The following PLCB4 variants were observed in gnomAD, a reference collection of about 807,000 sequenced individuals.
The protein encoded by PLCB4 is phospholipase C beta 4, also known as 1-phosphatidylinositol 4,5-bisphosphate phosphodiesterase beta-4.
Under a neutral mutation model 178.8 loss-of-function variants are expected in PLCB4, and 77 were observed. The observed-to-expected ratio is 0.43, with a 90% CI of 0.36 to 0.52. The LOEUF is 0.52. PLCB4 is among the 20% of genes least tolerant of loss of function. The pLI, the probability that PLCB4 is intolerant of heterozygous loss-of-function variation, is 0.00. For synonymous variants in PLCB4, 496 were observed against 490.8 expected, an observed-to-expected ratio of 1.01 and a Z score of -0.14; for missense variants, 1,024 against 1,453.4, an observed-to-expected ratio of 0.70 and a Z score of 4.80.
At chr20:9,430,415 CATT>C (rs1455427782) in intron 28 of PLCB4, among the ~76,000 whole-genome samples, 4 of 152,124 alleles carry the variant, frequency 2.6e-5, no homozygotes, top group African/African-American at 9.7e-5. Flanking sequence ...CATTATATTG[CATT>C]ATTATTGTAT....
chr20:9,210,525 G>A (rs1026775426), intron 2 of PLCB4, among the ~76,000 whole-genome samples: 3 of 152,176 alleles, frequency 2.0e-5, no homozygotes, highest in Non-Finnish European at 2.9e-5. Flanking sequence ...GGCGGGGGCT[G>A]TGGGGATCTG....
At chr20:9,170,297 A>C (rs2147033601) in intron 2 of PLCB4, among the ~76,000 whole-genome samples, 1 of 152,344 alleles carries the variant, frequency 6.6e-6, no homozygotes, top group South Asian at 2.1e-4. Context: ...CTTACAAATT[A>C]ATATTTAGTT....
chr20:9,162,730 A>G (rs1705633047), intron 2 of PLCB4, among the ~76,000 whole-genome samples: 2 of 152,094 alleles, frequency 1.3e-5, no homozygotes, highest in Admixed American at 6.6e-5. Flanking sequence ...GTAATAAACT[A>G]TTGTAAATGT....
intron 3 of PLCB4, among the ~76,000 whole-genome samples, chr20:9,251,456 T>C (rs978113682): frequency 6.6e-6 from 1 of 152,186 alleles, no homozygotes; most frequent in Non-Finnish European, 1.5e-5. Context: ...TAACAAGAAA[T>C]ACTGAGGTGA....
intron 3 of PLCB4, chr20:9,280,429 G>A (rs773176350): frequency 2.6e-5 from 26 of 983,052 alleles, no homozygotes; most frequent in Non-Finnish European, 3.0e-5. Context: ...TCTCCACTTC[G>A]ATCTGAAAGA....
At chr20:9,232,327 C>T (rs2093942095) in intron 3 of PLCB4, among the ~76,000 whole-genome samples, 1 of 152,010 alleles carries the variant, frequency 6.6e-6, no homozygotes, top group Non-Finnish European at 1.5e-5. Context: ...TCTTGTAATG[C>T]AAGGCATCAT....
chr20:9,379,407 C>T (rs1393129946), intron 12 of PLCB4, among the ~76,000 whole-genome samples: 2 of 151,942 alleles, frequency 1.3e-5, no homozygotes, highest in East Asian at 3.9e-4. Flanking sequence ...GACTCTCTGC[C>T]CAGAGAATTC....
intron 14 of PLCB4, among the ~76,000 whole-genome samples, chr20:9,386,011 G>T (rs558853655): frequency 6.6e-6 from 1 of 152,226 alleles, no homozygotes; most frequent in Non-Finnish European, 1.5e-5. Flanking sequence ...CCAGCACCCC[G>T]GGAGGCCGAG....
chr20:9,255,805 T>A (rs112389032), intron 3 of PLCB4, among the ~76,000 whole-genome samples: 4,927 of 152,170 alleles, frequency 0.032, 133 homozygotes, highest in African/African-American at 0.067. Flanking sequence ...AATGAAGTTG[T>A]GGCTGAGTGC....
rs1006089394 is a variant in PLCB4, at chr20:9,464,210, A to G, written c.3249-4361A>G. Among the ~76,000 whole-genome samples the G allele has an allele frequency of 5.9e-5, 9 of 152,354 alleles. No homozygotes were observed. The East Asian group carries it at 1.3e-3, about 23-fold the overall frequency. On this transcript the variant is annotated intron_variant, in intron 35 of 39. Coordinates refer to ENST00000378473, the MANE Select transcript of PLCB4 (RefSeq NM_001377142.1). Reference sequence around the variant, plus strand: ...TAAATAATGGAATGAAGGCAGAAATAAAGATGTTCTTTGAAACCAATGAGA... The same window carrying G: ...TAAATAATGGAATGAAGGCAGAAATGAAGATGTTCTTTGAAACCAATGAGA...
chr20:9,366,396 CAAAAAAAAAAAAA>C (rs1198133351), intron 9 of PLCB4, among the ~76,000 whole-genome samples: 1 of 34,002 alleles, frequency 2.9e-5, no homozygotes, highest in Non-Finnish European at 6.9e-5. Flanking sequence ...GACTCCATCT[CAAAAAAAAAAAAA>C]AAAAAAAAAG....
intron 18 of PLCB4, 103 bp from the exon 19 acceptor site, chr20:9,395,420 T>C: frequency 1.3e-6 from 1 of 763,912 alleles, no homozygotes; most frequent in South Asian, 1.5e-5. Flanking sequence ...GAACATTCTA[T>C]TTCTTCTCTC....
chr20:9,444,275 A>G, intron 32 of PLCB4, 32 bp downstream of exon 32: 1 of 1,297,118 alleles, frequency 7.7e-7, no homozygotes, highest in Non-Finnish European at 1.1e-6. Context: ...ATTTTGTGTT[A>G]TGTATGGATG....
At position 9,408,698 on chromosome 20, in the gene PLCB4, C is replaced by T. The variant is rs1348990684; in HGVS notation, c.1855C>T (p.His619Tyr). ...ESVGLGYLKTHAIEFVNYNKR... is the reference protein window; with the variant it reads ...ESVGLGYLKTYAIEFVNYNKR... The stretch of plus-strand genomic sequence containing the variant: ...AGTCGGTCTTGGCTACTTGAAGACA[C>T]ATGCAATTGAATTTGTCAAGTATCC... The change falls in exon 23 of 40, where the codon CAT (histidine) becomes TAT (tyrosine). Residue 619 changes from histidine (H) to tyrosine (Y), a missense_variant. His to Tyr is a moderately conservative substitution (Grantham distance 83). Transcript: ENST00000378473. 6.4e-7 allele frequency: 1 copy of T among 1,567,006 alleles called. No individual in the cohort carries two copies. Among genetic ancestry groups the T allele is most frequent in the Non-Finnish European group, 8.8e-7 (1 of 1,137,532 alleles).
chr20:9,223,771 G>A (rs1475735730), intron 3 of PLCB4, among the ~76,000 whole-genome samples: 1 of 152,234 alleles, frequency 6.6e-6, no homozygotes, highest in Non-Finnish European at 1.5e-5. Flanking sequence ...TCTCTTATCT[G>A]TAGGGGTTAC....
intron 35 of PLCB4, among the ~76,000 whole-genome samples, chr20:9,463,686 C>T (rs1218360892): frequency 6.6e-6 from 1 of 150,956 alleles, no homozygotes. Context: ...ACAAAGAAGG[C>T]CATTACATAA....
chr20:9,266,526 G>A (rs955192561), intron 3 of PLCB4, among the ~76,000 whole-genome samples: 3 of 152,046 alleles, frequency 2.0e-5, no homozygotes, highest in Non-Finnish European at 4.4e-5. Context: ...TTAATAGTTA[G>A]TATCTGTTAT....
intron 3 of PLCB4, among the ~76,000 whole-genome samples, chr20:9,282,663 TG>T (rs1490139060): frequency 6.6e-6 from 1 of 152,038 alleles, no homozygotes; most frequent in Non-Finnish European, 1.5e-5. Flanking sequence ...GGTTAGCTTT[TG>T]TTGTGTAACA....
intron 25 of PLCB4, among the ~76,000 whole-genome samples, chr20:9,417,326 G>T (rs577709530): frequency 6.6e-6 from 1 of 152,134 alleles, no homozygotes; most frequent in South Asian, 2.1e-4. Context: ...GAGGGTAATT[G>T]CAGAACATTT....
Sources: gnomAD v4.1 joint callset for allele counts (sites outside exome capture counted in the v4.1 genomes callset) on GRCh38, gnomAD v4.1.1 for gene constraint, MANE v1.5 for transcripts, NCBI Gene and HGNC (gene_info 2026-07-23, HGNC 2026-07-21) for gene names.